The following DLGAP1 variants were observed in gnomAD, a reference collection of about 807,000 sequenced individuals.
DLGAP1 encodes DLG associated protein 1.
Under a neutral mutation model 90.8 loss-of-function variants are expected in DLGAP1, and 11 were observed. The ratio of observed to expected loss-of-function variants is 0.12; its 90% CI spans 0.08 to 0.20. The LOEUF is 0.20. Among genes scored for constraint, DLGAP1 ranks in the 10% least tolerant of loss-of-function variants. DLGAP1 has a pLI of 1.00. For missense variants in DLGAP1, 1,050 were observed against 1,333.8 expected (o/e 0.79, Z 3.31); for synonymous variants, 558 against 540.7 (o/e 1.03, Z -0.44).
intron 1 of DLGAP1, among the ~76,000 whole-genome samples, chr18:4,153,747 T>C (rs577046428): frequency 6.6e-6 from 1 of 152,200 alleles, no homozygotes; most frequent in South Asian, 2.1e-4. Flanking sequence ...ACTGTCTTTT[T>C]CTAGAATCAG....
At chr18:3,680,510 G>C (rs913069808) in intron 7 of DLGAP1, among the ~76,000 whole-genome samples, 1 of 152,188 alleles carries the variant, frequency 6.6e-6, no homozygotes, top group African/African-American at 2.4e-5. Flanking sequence ...TTTGGAGGCC[G>C]GGCGTGCTGG....
intron 1 of DLGAP1, among the ~76,000 whole-genome samples, chr18:4,338,851 GT>G (rs769266606): frequency 2.4e-4 from 37 of 152,082 alleles, no homozygotes; most frequent in Non-Finnish European, 1.0e-4. Context: ...CATTAACAGA[GT>G]CATTTATTCA....
At chr18:4,117,382 T>A (rs914860714) in intron 2 of DLGAP1, among the ~76,000 whole-genome samples, 1 of 152,236 alleles carries the variant, frequency 6.6e-6, no homozygotes, top group African/African-American at 2.4e-5. Flanking sequence ...TTTTGCATAA[T>A]ACATTGTAGC....
chr18:3,782,505 G>A (rs1003847906), intron 5 of DLGAP1, among the ~76,000 whole-genome samples: 8 of 152,216 alleles, frequency 5.3e-5, no homozygotes, highest in Admixed American at 3.9e-4. Flanking sequence ...GAGAGACTTT[G>A]CAGGTGTTGA....
intron 3 of DLGAP1, among the ~76,000 whole-genome samples, chr18:3,933,481 T>C (rs1228085960): frequency 1.3e-5 from 2 of 152,220 alleles, no homozygotes; most frequent in Admixed American, 6.5e-5. Flanking sequence ...AATTTAGAAA[T>C]CAAGTTTGAT....
intron 4 of DLGAP1, among the ~76,000 whole-genome samples, chr18:3,846,116 C>T (rs2069000190): frequency 6.7e-6 from 1 of 149,626 alleles, no homozygotes; most frequent in Non-Finnish European, 1.5e-5. Flanking sequence ...ACTGTTGCAG[C>T]GTCCTCTTCC....
chr18:4,419,492 G>T (rs539033815), intron 1 of DLGAP1, among the ~76,000 whole-genome samples: 2 of 152,246 alleles, frequency 1.3e-5, no homozygotes, highest in South Asian at 4.1e-4. Context: ...GAAATAAAGA[G>T]TGCTGAAAAT....
intron 2 of DLGAP1, among the ~76,000 whole-genome samples, chr18:4,044,937 G>A (rs1420434094): frequency 6.6e-6 from 1 of 151,836 alleles, no homozygotes; most frequent in African/African-American, 2.4e-5. Flanking sequence ...TTCAGGCTTG[G>A]GGAACACTGC....
At chr18:3,847,630 A>T (rs1485609580) in intron 4 of DLGAP1, among the ~76,000 whole-genome samples, 3 of 152,164 alleles carry the variant, frequency 2.0e-5, no homozygotes, top group African/African-American at 7.2e-5. Context: ...CACCAAACGT[A>T]ATTATAGCAA....
chr18:3,967,857 C>T (rs1284591852), intron 3 of DLGAP1, among the ~76,000 whole-genome samples: 1 of 152,056 alleles, frequency 6.6e-6, no homozygotes, highest in Non-Finnish European at 1.5e-5. Flanking sequence ...GCAGATTGAT[C>T]CCCACACACA....
At chr18:3,873,353 G>A (rs375621129) in intron 4 of DLGAP1, among the ~76,000 whole-genome samples, 1 of 152,126 alleles carries the variant, frequency 6.6e-6, no homozygotes, top group Non-Finnish European at 1.5e-5. Context: ...AGAAGATTGT[G>A]CAAACCCAAT....
intron 7 of DLGAP1, among the ~76,000 whole-genome samples, chr18:3,655,267 A>C (rs904939389): frequency 2.6e-5 from 4 of 151,286 alleles, no homozygotes; most frequent in East Asian, 1.9e-4. Context: ...GAGAACACAC[A>C]CCCCCCCAAA....
intron 5 of DLGAP1, among the ~76,000 whole-genome samples, chr18:3,806,762 A>T (rs2066581946): frequency 1.3e-5 from 2 of 152,180 alleles, no homozygotes; most frequent in Admixed American, 1.3e-4. Flanking sequence ...TACCTAAAGG[A>T]AGTGAGGAGT....
At chr18:4,094,670 T>C (rs2075647684) in intron 2 of DLGAP1, among the ~76,000 whole-genome samples, 1 of 147,806 alleles carries the variant, frequency 6.8e-6, no homozygotes, top group Non-Finnish European at 1.5e-5. Flanking sequence ...TGATCTCAGC[T>C]CACTGCAACC....
At chr18:3,534,874 T>A (rs1488638452) in intron 9 of DLGAP1, among the ~76,000 whole-genome samples, 2 of 151,988 alleles carry the variant, frequency 1.3e-5, no homozygotes, top group Non-Finnish European at 2.9e-5. Context: ...GTATTTTTAG[T>A]AGAGAAGGGG....
At chr18:3,531,967 G>A (rs970035607) in intron 10 of DLGAP1, among the ~76,000 whole-genome samples, 3 of 152,118 alleles carry the variant, frequency 2.0e-5, no homozygotes, top group Middle Eastern at 3.2e-3. Flanking sequence ...CAATTCTCCT[G>A]CCTCAGCCTC....
chr18:3,887,058 T>C (rs761584495), intron 3 of DLGAP1, among the ~76,000 whole-genome samples: 24 of 152,172 alleles, frequency 1.6e-4, no homozygotes, highest in Non-Finnish European at 2.6e-4. Context: ...GAGAGAAAAA[T>C]AGACCTTTAT....
intron 1 of DLGAP1, among the ~76,000 whole-genome samples, chr18:4,218,159 C>T (rs1287955278): frequency 1.3e-5 from 2 of 150,234 alleles, no homozygotes; most frequent in Non-Finnish European, 3.0e-5. Flanking sequence ...AAAGTCTGTC[C>T]TTTCTTCACT....
At chr18:3,932,929 C>A (rs1019812494) in intron 3 of DLGAP1, among the ~76,000 whole-genome samples, 1 of 152,114 alleles carries the variant, frequency 6.6e-6, no homozygotes, top group East Asian at 1.9e-4. Context: ...ACTGAAGGAC[C>A]ACCCAAAGGA....
Sources: gnomAD v4.1 joint callset for allele counts (sites outside exome capture counted in the v4.1 genomes callset) on GRCh38, gnomAD v4.1.1 for gene constraint, MANE v1.5 for transcripts, NCBI Gene and HGNC (gene_info 2026-07-23, HGNC 2026-07-21) for gene names.